The following MAML2 variants were observed in gnomAD, a reference collection of about 807,000 sequenced individuals.
MAML2 encodes mastermind like transcriptional coactivator 2, also known as mastermind-like protein 2.
In MAML2, 22 loss-of-function variants were observed where a neutral mutation model predicts 96.1. The ratio of observed to expected loss-of-function variants is 0.23; its 90% CI spans 0.16 to 0.33. MAML2 has a LOEUF of 0.33. Among genes scored for constraint, MAML2 ranks in the 10% least tolerant of loss-of-function variants. MAML2 has a pLI of 1.00. For synonymous variants in MAML2, 561 were observed against 521.3 expected (o/e 1.08, Z -1.04); for missense variants, 1,367 against 1,392.4 (o/e 0.98, Z 0.29).
chr11:96,281,341 A>G (rs971783725), intron 1 of MAML2, among the ~76,000 whole-genome samples: 8 of 152,122 alleles, frequency 5.3e-5, no homozygotes, highest in African/African-American at 1.9e-4. Context: ...ACATTTGTCC[A>G]AGAGAGTGCT....
chr11:96,057,133 G>A (rs1859082747), intron 2 of MAML2, among the ~76,000 whole-genome samples: 2 of 152,098 alleles, frequency 1.3e-5, no homozygotes, highest in Admixed American at 1.3e-4. Flanking sequence ...TTTCTTTTTT[G>A]TTTATGACTT....
At chr11:96,162,442 G>A (rs952437630) in intron 1 of MAML2, among the ~76,000 whole-genome samples, 4 of 151,898 alleles carry the variant, frequency 2.6e-5, no homozygotes, top group South Asian at 2.1e-4. Flanking sequence ...GGCTGGGCAC[G>A]GTGGCTCACA....
chr11:96,150,605 A>C (rs1314035018), intron 1 of MAML2, among the ~76,000 whole-genome samples: 1 of 152,224 alleles, frequency 6.6e-6, no homozygotes, highest in African/African-American at 2.4e-5. Context: ...GGGCAGGGAC[A>C]TGCTCAAAGC....
chr11:96,294,682 G>A (rs1174594775), intron 1 of MAML2, among the ~76,000 whole-genome samples: 1 of 152,116 alleles, frequency 6.6e-6, no homozygotes, highest in Non-Finnish European at 1.5e-5. Flanking sequence ...ATCACCTTTG[G>A]AATAAACAAA....
intron 1 of MAML2, among the ~76,000 whole-genome samples, chr11:96,300,264 T>C (rs1024285186): frequency 3.3e-5 from 5 of 152,190 alleles, no homozygotes; most frequent in African/African-American, 1.2e-4. Context: ...TTGAAGTCTT[T>C]CTTTCAGGAA....
intron 1 of MAML2, among the ~76,000 whole-genome samples, chr11:96,309,464 G>A (rs1055460454): frequency 3.3e-5 from 5 of 152,138 alleles, no homozygotes; most frequent in African/African-American, 4.8e-5. Flanking sequence ...CATGGATGAC[G>A]ATGATGAAGA....
intron 1 of MAML2, among the ~76,000 whole-genome samples, chr11:96,260,940 T>C (rs1862741084): frequency 6.6e-6 from 1 of 152,152 alleles, no homozygotes; most frequent in Non-Finnish European, 1.5e-5. Flanking sequence ...AACTAAATAT[T>C]CTTCTGAAGG....
At chr11:96,065,409 GTGCA>G in intron 2 of MAML2, among the ~76,000 whole-genome samples, 1 of 96,976 alleles carries the variant, frequency 1.0e-5, no homozygotes, top group African/African-American at 3.8e-5. Flanking sequence ...ACATGCGTGC[GTGCA>G]TGCACACACA....
chr11:96,061,687 G>A (rs889873741), intron 2 of MAML2, among the ~76,000 whole-genome samples: 4 of 152,008 alleles, frequency 2.6e-5, no homozygotes, highest in South Asian at 2.1e-4. Context: ...ATAACAACCC[G>A]TAATTCAGAA....
At chr11:96,026,892 A>G (rs1858532277) in intron 2 of MAML2, among the ~76,000 whole-genome samples, 1 of 152,066 alleles carries the variant, frequency 6.6e-6, no homozygotes, top group African/African-American at 2.4e-5. Context: ...AAATAAATAA[A>G]TAAATAAATA....
chr11:96,217,998 AC>A (rs1342485477), intron 1 of MAML2, among the ~76,000 whole-genome samples: 2 of 152,176 alleles, frequency 1.3e-5, no homozygotes, highest in African/African-American at 4.8e-5. Flanking sequence ...ACTCCAATTT[AC>A]CTTTCATGCT....
chr11:96,104,470 C>G (rs1046229614), intron 1 of MAML2, among the ~76,000 whole-genome samples: 4 of 152,002 alleles, frequency 2.6e-5, no homozygotes, highest in African/African-American at 9.7e-5. Flanking sequence ...ATACATCTGC[C>G]CTTGCTAACT....
At chr11:96,173,694 C>T (rs1342049778) in intron 1 of MAML2, among the ~76,000 whole-genome samples, 2 of 152,130 alleles carry the variant, frequency 1.3e-5, no homozygotes, top group Admixed American at 6.5e-5. Context: ...GGACCCTCAG[C>T]GATGGCAGAG....
rs141934356 is a variant in MAML2 at position 96,293,710 on chromosome 11, A to G, written c.513+47673T>C. Reference sequence around the variant, plus strand: ...AGTATGCAGAACAATAATCATTTTGATACTATGCCATTTTCATGTGGTAGC... The same window carrying G: ...AGTATGCAGAACAATAATCATTTTGGTACTATGCCATTTTCATGTGGTAGC... On this transcript the variant is annotated intron_variant, in intron 1 of 4. Transcript: ENST00000524717. Among the ~76,000 whole-genome samples the G allele has an allele frequency of 1.3e-4, 20 of 152,318 alleles. No individual in the cohort carries two copies. In the East Asian group the frequency reaches 3.7e-3, roughly 28 times the overall value.
At chr11:96,252,923 G>A (rs1011887151) in intron 1 of MAML2, among the ~76,000 whole-genome samples, 2 of 152,194 alleles carry the variant, frequency 1.3e-5, no homozygotes, top group Non-Finnish European at 2.9e-5. Context: ...GTTAAAGGGC[G>A]TAATGGGATC....
intron 1 of MAML2, among the ~76,000 whole-genome samples, chr11:96,229,838 C>T (rs942867767): frequency 1.3e-5 from 2 of 151,972 alleles, no homozygotes; most frequent in Non-Finnish European, 2.9e-5. Context: ...TTCTGTCTTG[C>T]AAAATACCAG....
At chr11:96,013,592 G>A (rs1230096925) in intron 2 of MAML2, among the ~76,000 whole-genome samples, 3 of 152,162 alleles carry the variant, frequency 2.0e-5, no homozygotes, top group Non-Finnish European at 4.4e-5. Flanking sequence ...ACCCCATCCT[G>A]GGCCTATAAA....
rs1859721552 is a variant in MAML2, at chr11:96,092,109, T to C, written c.1922A>G (p.Gln641Arg). ...CTGCTGCTGTTGTTGCTGCTGCTGCTGCTGTTGGGCTGAAATTGAGCTCTG... is the reference window on the plus strand; with the variant it reads ...CTGCTGCTGTTGTTGCTGCTGCTGCCGCTGTTGGGCTGAAATTGAGCTCTG... ...QQQSSISAQQ[Q>R]QQQQQQQQQQ... Residue 641 changes from glutamine to arginine, a missense_variant, in exon 2 of 5, where the codon CAG becomes CGG. Physicochemically the swap from Gln to Arg is conservative, Grantham distance 43. Transcript: ENST00000524717. The surrounding 1 kb of genome is among the most constrained non-coding windows in gnomAD (Gnocchi z 4.1). The C allele has an allele frequency of 1.9e-6, 3 of 1,550,924 alleles. No individual in the cohort carries two copies. Among genetic ancestry groups the C allele is most frequent in the Non-Finnish European group, 2.6e-6 (3 of 1,146,726 alleles).
intron 1 of MAML2, among the ~76,000 whole-genome samples, chr11:96,246,710 A>G (rs1199813320): frequency 6.6e-6 from 1 of 152,152 alleles, no homozygotes; most frequent in Non-Finnish European, 1.5e-5. Context: ...CATGCACAGT[A>G]GAGACAGTTC....
Sources: gnomAD v4.1 joint callset for allele counts (sites outside exome capture counted in the v4.1 genomes callset) on GRCh38, gnomAD v4.1.1 for gene constraint, Gnocchi (gnomAD v3.1) non-coding constraint, MANE v1.5 for transcripts, NCBI Gene and HGNC (gene_info 2026-07-23, HGNC 2026-07-21) for gene names.